Variants in SYCP2 observed in about 807,000 individuals in gnomAD.
SYCP2 encodes synaptonemal complex lateral element protein.
In SYCP2, 55 loss-of-function variants were observed where a neutral mutation model predicts 211.3. The observed-to-expected ratio is 0.26, with a 90% CI of 0.21 to 0.33. The LOEUF (loss-of-function observed/expected upper bound fraction) is 0.33. Ranked by LOEUF, SYCP2 falls within the 10% of genes least tolerant of loss-of-function variation. The pLI is 1.00. For synonymous variants in SYCP2, 570 were observed against 555.2 expected, an observed-to-expected ratio of 1.03 and a Z score of -0.37; for missense variants, 1,731 against 1,752.0, an observed-to-expected ratio of 0.99 and a Z score of 0.21.
intron 34 of SYCP2, 102 bp downstream of exon 34, chr20:59,875,169 T>C: frequency 2.8e-6 from 2 of 717,240 alleles, no homozygotes; most frequent in Non-Finnish European, 4.4e-6. Context: ...ACTATAATTA[T>C]AAATACCCCT....
intron 18 of SYCP2, among the ~76,000 whole-genome samples, chr20:59,898,059 G>A (rs2060044587): frequency 6.6e-6 from 1 of 152,190 alleles, no homozygotes; most frequent in African/African-American, 2.4e-5. Flanking sequence ...GGCGGAGGTT[G>A]CAGTGAGCCG....
intron 36 of SYCP2, among the ~76,000 whole-genome samples, chr20:59,869,375 T>TA (rs1319278671): frequency 6.6e-6 from 1 of 151,808 alleles, no homozygotes; most frequent in Non-Finnish European, 1.5e-5. Context: ...CACTTAGGTC[T>TA]AGCTCAAATC....
chr20:59,910,374 ATTTT>A (rs898302276), intron 14 of SYCP2, among the ~76,000 whole-genome samples: 53 of 76,230 alleles, frequency 7.0e-4, no homozygotes, highest in African/African-American at 2.8e-3. Flanking sequence ...GTAATTGCTT[ATTTT>A]TTTTTTTTTT....
Position 59,892,344 on chromosome 20 carries a change from C to T in SYCP2, c.2010G>A (p.Val670=). The T allele has an allele frequency of 6.2e-7, 1 of 1,603,938 alleles. No individual in the cohort carries two copies. Among genetic ancestry groups the T allele is most frequent in the Non-Finnish European group, 8.5e-7 (1 of 1,173,928 alleles). ...SDHNSEGTGK[V]KYKKEQTDHI... is the part of the protein sequence containing the mutation. Reference sequence around the variant, plus strand: ...GGTCGGTTTGTTCTTTCTTATATTTCACTTTTCCTGTTCCTTCAGAATTAT... The same window carrying T: ...GGTCGGTTTGTTCTTTCTTATATTTTACTTTTCCTGTTCCTTCAGAATTAT... The change falls in exon 24 of 45, where the codon GTG becomes GTA. Residue 670 remains valine (V), a synonymous_variant. Coordinates refer to ENST00000357552, the MANE Select transcript of SYCP2 (RefSeq NM_014258.4).
intron 18 of SYCP2, among the ~76,000 whole-genome samples, chr20:59,897,295 G>C (rs925181743): frequency 2.6e-5 from 4 of 152,062 alleles, no homozygotes; most frequent in African/African-American, 9.7e-5. Flanking sequence ...AGGATGGAAA[G>C]GATAAGATAA....
intron 33 of SYCP2, among the ~76,000 whole-genome samples, chr20:59,876,582 T>TACC (rs1187635603): frequency 6.6e-6 from 1 of 151,710 alleles, no homozygotes; most frequent in African/African-American, 2.4e-5. Flanking sequence ...ATCCTAGACC[T>TACC]ACCACTTCCT....
chr20:59,895,847 T>C (rs899283453), intron 19 of SYCP2, among the ~76,000 whole-genome samples: 1 of 152,042 alleles, frequency 6.6e-6, no homozygotes, highest in African/African-American at 2.4e-5. Flanking sequence ...TACTAAGCAA[T>C]TGGCCAGTAG....
chr20:59,887,270 A>C (rs2059809702), intron 24 of SYCP2, among the ~76,000 whole-genome samples: 1 of 151,880 alleles, frequency 6.6e-6, no homozygotes, highest in Admixed American at 6.6e-5. Flanking sequence ...TCCTTGCAAT[A>C]GTTTGCTGAG....
intron 3 of SYCP2, among the ~76,000 whole-genome samples, chr20:59,921,979 C>T (rs958809807): frequency 2.0e-5 from 3 of 151,622 alleles, no homozygotes; most frequent in Non-Finnish European, 4.4e-5. Context: ...TCATTAATAA[C>T]AAATGTTCAT....
intron 30 of SYCP2, among the ~76,000 whole-genome samples, 173 bp from the exon 31 acceptor site, chr20:59,880,644 A>G (rs1418798612): frequency 1.3e-5 from 2 of 151,822 alleles, no homozygotes; most frequent in Non-Finnish European, 3.0e-5. Context: ...CCTATCCAAG[A>G]AAGTCACTTG....
At chr20:59,899,458 C>G (rs1230507751) in intron 18 of SYCP2, among the ~76,000 whole-genome samples, 2 of 152,138 alleles carry the variant, frequency 1.3e-5, no homozygotes, top group African/African-American at 4.8e-5. Flanking sequence ...TAAGAGCTCA[C>G]ATTATGAACA....
intron 35 of SYCP2, among the ~76,000 whole-genome samples, chr20:59,870,411 A>G (rs2059428345): frequency 1.3e-5 from 2 of 151,880 alleles, no homozygotes; most frequent in Admixed American, 6.6e-5. Flanking sequence ...TAAAAATTTT[A>G]AAACTCAGAA....
intron 33 of SYCP2, among the ~76,000 whole-genome samples, chr20:59,875,885 C>A (rs940583565): frequency 2.0e-5 from 3 of 152,018 alleles, no homozygotes; most frequent in African/African-American, 4.8e-5. Context: ...TTTTGGGAGT[C>A]ACAGGTTATA....
chr20:59,903,457 G>A (rs2060155587), intron 15 of SYCP2, among the ~76,000 whole-genome samples: 1 of 152,052 alleles, frequency 6.6e-6, no homozygotes, highest in Non-Finnish European at 1.5e-5. Context: ...TTATGATGTA[G>A]ACATTTGAGC....
At position 59,868,934 on chromosome 20, in the gene SYCP2, C is replaced by A. The variant is rs201277275; in HGVS notation, c.3742-9G>T. On this transcript the variant is annotated splice_polypyrimidine_tract_variant and intron_variant, in intron 36 of 44. Transcript: ENST00000357552. ...GATGCTAAATGACTTTCCTAAAATACGTATTAGAAATTAGAAAAAAATTCC... is the reference window on the plus strand; with the variant it reads ...GATGCTAAATGACTTTCCTAAAATAAGTATTAGAAATTAGAAAAAAATTCC... The A allele has an allele frequency of 3.2e-6, 5 of 1,585,634 alleles. No homozygotes were observed. In the South Asian group the frequency reaches 4.6e-5, roughly 15 times the overall value.
rs150243120 is a variant in SYCP2 at position 59,893,591 on chromosome 20, A to G, written c.1668T>C (p.His556=). The G allele has an allele frequency of 1.4e-5, 23 of 1,607,524 alleles. No individual in the cohort carries two copies. The highest frequency in any genetic ancestry group is 2.0e-5 in the Non-Finnish European group (23 of 1,175,906). Residue 556 remains histidine, a splice_region_variant and synonymous_variant, in exon 21 of 45, where the codon CAT becomes CAC. Coordinates refer to ENST00000357552, the MANE Select transcript of SYCP2 (RefSeq NM_014258.4). The part of the protein sequence containing the change: ...GRHRRDNIDK[H]IKTAKCVENT... ...TTTCTACACACTTAGCAGTTTTGATATGCTGTAAACACAGGAAACAGGTTA... is the reference window on the plus strand; with the variant it reads ...TTTCTACACACTTAGCAGTTTTGATGTGCTGTAAACACAGGAAACAGGTTA...
intron 39 of SYCP2, among the ~76,000 whole-genome samples, chr20:59,867,488 C>T (rs1447688867): frequency 1.4e-5 from 2 of 144,816 alleles, no homozygotes; most frequent in Non-Finnish European, 3.0e-5. Context: ...AAAGCCAAAA[C>T]ATTAAACTGA....
At chr20:59,869,033 C>A in intron 36 of SYCP2, 108 bp from the exon 37 acceptor site, 1 of 714,110 alleles carries the variant, frequency 1.4e-6, no homozygotes, top group African/African-American at 1.8e-5. Flanking sequence ...GCTGTCAATT[C>A]TTTCTCAGAT....
chr20:59,880,237 C>A, intron 31 of SYCP2, 66 bp downstream of exon 31: 2 of 1,282,744 alleles, frequency 1.6e-6, no homozygotes, highest in South Asian at 1.3e-5. Flanking sequence ...TTATATAAAG[C>A]ATTTTCAATA....
Sources: gnomAD v4.1 joint callset for allele counts (sites outside exome capture counted in the v4.1 genomes callset) on GRCh38, gnomAD v4.1.1 for gene constraint, MANE v1.5 for transcripts, NCBI Gene and HGNC (gene_info 2026-07-23, HGNC 2026-07-21) for gene names.